FBXL7: variants seen among roughly 807,000 people sequenced by gnomAD.
FBXL7 encodes the protein F-box and leucine rich repeat protein 7.
Under a neutral mutation model 38.3 loss-of-function variants are expected in FBXL7, and 12 were observed. That is an observed-to-expected ratio of 0.31 (90% confidence interval 0.20 to 0.51). The LOEUF (loss-of-function observed/expected upper bound fraction) is 0.51, where lower values mean the gene tolerates loss of function less well. FBXL7 is among the 20% of genes least tolerant of loss of function. The probability of loss-of-function intolerance (pLI) is 0.98; values close to 1 mark genes in which losing one functional copy is unlikely to be tolerated. For missense variants in FBXL7, 567 were observed against 676.4 expected (o/e 0.84, Z 1.79); for synonymous variants, 297 against 300.9 (o/e 0.99, Z 0.13).
chr5:15,663,214 G>A (rs1185242042), intron 2 of FBXL7, among the ~76,000 whole-genome samples: 1 of 151,824 alleles, frequency 6.6e-6, no homozygotes, highest in Non-Finnish European at 1.5e-5. Flanking sequence ...GAGATCTTTC[G>A]CCTCTCTGAT....
chr5:15,890,195 G>A (rs1230799154), intron 2 of FBXL7, among the ~76,000 whole-genome samples: 1 of 152,054 alleles, frequency 6.6e-6, no homozygotes, highest in Admixed American at 6.6e-5. Context: ...GCTGGTGAGC[G>A]AGCATTACCA....
intron 2 of FBXL7, among the ~76,000 whole-genome samples, chr5:15,798,644 T>G (rs1737477668): frequency 6.6e-6 from 1 of 152,196 alleles, no homozygotes; most frequent in Non-Finnish European, 1.5e-5. Flanking sequence ...TGTATCTTGT[T>G]TTTTCATTTA....
chr5:15,516,685 G>A (rs535016912), intron 1 of FBXL7, among the ~76,000 whole-genome samples: 11 of 152,118 alleles, frequency 7.2e-5, no homozygotes, highest in Non-Finnish European at 1.5e-4. Flanking sequence ...GTCGTGGGAG[G>A]GACTTCGTGG....
intron 2 of FBXL7, among the ~76,000 whole-genome samples, chr5:15,842,771 C>G (rs1738784268): frequency 6.6e-6 from 1 of 152,176 alleles, no homozygotes; most frequent in Admixed American, 6.5e-5. Context: ...TTGTTTGCCA[C>G]TATGTAAGAC....
intron 2 of FBXL7, among the ~76,000 whole-genome samples, chr5:15,702,908 A>AT (rs904422748): frequency 1.3e-5 from 2 of 151,990 alleles, no homozygotes; most frequent in East Asian, 3.9e-4. Flanking sequence ...TTACAGTCAA[A>AT]GGGGGGTTGT....
intron 2 of FBXL7, among the ~76,000 whole-genome samples, chr5:15,648,509 T>G (rs762174769): frequency 2.6e-5 from 4 of 152,252 alleles, no homozygotes; most frequent in Non-Finnish European, 4.4e-5. Flanking sequence ...GAAACATTCC[T>G]GTGGTGATCA....
chr5:15,546,083 GTTATA>G (rs1284393061), intron 1 of FBXL7, among the ~76,000 whole-genome samples: 1 of 152,192 alleles, frequency 6.6e-6, no homozygotes, highest in African/African-American at 2.4e-5. Flanking sequence ...GCATGCATGT[GTTATA>G]TTAAATGATA....
At chr5:15,813,760 G>A (rs532311835) in intron 2 of FBXL7, among the ~76,000 whole-genome samples, 1 of 152,244 alleles carries the variant, frequency 6.6e-6, no homozygotes, top group African/African-American at 2.4e-5. Flanking sequence ...ATCAATAAGT[G>A]GGTGAAGGAT....
chr5:15,739,205 C>T (rs560705375), intron 2 of FBXL7, among the ~76,000 whole-genome samples: 1 of 152,270 alleles, frequency 6.6e-6, no homozygotes, highest in South Asian at 2.1e-4. Flanking sequence ...GCCTGAGGGA[C>T]AGGATTTCAG....
At chr5:15,901,346 G>A (rs1741228842) in intron 2 of FBXL7, among the ~76,000 whole-genome samples, 1 of 152,102 alleles carries the variant, frequency 6.6e-6, no homozygotes, top group African/African-American at 2.4e-5. Context: ...GCTCTCTAAG[G>A]TCCCTTTCAT....
rs566612019 is a variant in FBXL7, at chr5:15,822,629, T to G, written c.128-105261T>G. 4.0e-5 allele frequency among the ~76,000 whole-genome samples: 6 copies of G among 151,320 alleles called. No individual in the cohort carries two copies. The East Asian group carries it at 1.2e-3, about 29-fold the overall frequency. On this transcript the variant is annotated intron_variant, in intron 2 of 3. Transcript: ENST00000504595. ...ACATTTGAGCTGGTTGCTCTTTTTT[T>G]TTTTTTTTTTTTCTTGCAGGGCGTT...
intron 2 of FBXL7, among the ~76,000 whole-genome samples, chr5:15,766,116 C>A (rs1736584824): frequency 6.6e-6 from 1 of 151,414 alleles, no homozygotes; most frequent in Non-Finnish European, 1.5e-5. Context: ...TCTGCAAACA[C>A]CATATTGTTT....
chr5:15,895,116 G>T (rs62348083), intron 2 of FBXL7, among the ~76,000 whole-genome samples: 1 of 151,970 alleles, frequency 6.6e-6, no homozygotes, highest in Non-Finnish European at 1.5e-5. Context: ...TCGTTAATCT[G>T]TTAGGTTGGC....
intron 1 of FBXL7, among the ~76,000 whole-genome samples, chr5:15,601,646 C>T (rs547222602): frequency 2.0e-5 from 3 of 152,304 alleles, no homozygotes; most frequent in African/African-American, 7.2e-5. Flanking sequence ...CTGGGGGACT[C>T]TTTGAGATTT....
At chr5:15,624,680 A>T (rs1331620806) in intron 2 of FBXL7, among the ~76,000 whole-genome samples, 3 of 152,228 alleles carry the variant, frequency 2.0e-5, no homozygotes, top group African/African-American at 7.2e-5. Context: ...GATTCATCTG[A>T]TGAATTCAGC....
At chr5:15,827,084 A>T (rs964431858) in intron 2 of FBXL7, among the ~76,000 whole-genome samples, 5 of 151,962 alleles carry the variant, frequency 3.3e-5, no homozygotes, top group Non-Finnish European at 5.9e-5. Context: ...GGTTTAGTTC[A>T]GCCATCATTT....
chr5:15,814,041 C>CAAA (rs1366134806), intron 2 of FBXL7, among the ~76,000 whole-genome samples: 15 of 152,206 alleles, frequency 9.9e-5, no homozygotes, highest in Admixed American at 1.3e-4. Context: ...GATCTAGAAC[C>CAAA]AGAAATACCA....
At chr5:15,809,255 T>C (rs1459014595) in intron 2 of FBXL7, among the ~76,000 whole-genome samples, 1 of 152,216 alleles carries the variant, frequency 6.6e-6, no homozygotes, top group Admixed American at 6.5e-5. Context: ...TGGGATTGCC[T>C]GTGGGAAATG....
intron 2 of FBXL7, among the ~76,000 whole-genome samples, chr5:15,720,079 A>G (rs1744152637): frequency 1.3e-5 from 2 of 149,154 alleles, no homozygotes; most frequent in Non-Finnish European, 3.0e-5. Flanking sequence ...AATTGCCTGC[A>G]TGTCTAAATT....
Sources: gnomAD v4.1 joint callset for allele counts (sites outside exome capture counted in the v4.1 genomes callset) on GRCh38, gnomAD v4.1.1 for gene constraint, MANE v1.5 for transcripts, NCBI Gene and HGNC (gene_info 2026-07-23, HGNC 2026-07-21) for gene names.